RHEB: variants seen among roughly 807,000 people sequenced by gnomAD.
RHEB encodes Ras homolog, mTORC1 binding.
Under a neutral mutation model 28.8 loss-of-function variants are expected in RHEB, and 2 were observed. The ratio of observed to expected loss-of-function variants is 0.07; its 90% CI spans 0.03 to 0.22. The LOEUF (loss-of-function observed/expected upper bound fraction) is 0.22, where lower values mean the gene tolerates loss of function less well. Ranked by LOEUF, RHEB falls within the 10% of genes least tolerant of loss-of-function variation. The pLI, the probability that RHEB is intolerant of heterozygous loss-of-function variation, is 1.00. For synonymous variants in RHEB, 69 were observed against 77.3 expected (o/e 0.89, Z 0.56); for missense variants, 76 against 219.9 (o/e 0.35, Z 4.14).
intron 2 of RHEB, among the ~76,000 whole-genome samples, chr7:151,486,209 G>T (rs1258205031): frequency 6.6e-6 from 1 of 152,194 alleles, no homozygotes; most frequent in Non-Finnish European, 1.5e-5. Context: ...AAGTATGTAA[G>T]AAACACTGGT....
chr7:151,467,822 CCA>C (rs1324662306), intron 7 of RHEB, among the ~76,000 whole-genome samples: 2 of 152,204 alleles, frequency 1.3e-5, no homozygotes, highest in Non-Finnish European at 2.9e-5. Flanking sequence ...CAGTCCTTCA[CCA>C]CAGACAGGAA....
At chr7:151,489,338 T>A (rs1178768803) in intron 2 of RHEB, among the ~76,000 whole-genome samples, 1 of 152,204 alleles carries the variant, frequency 6.6e-6, no homozygotes, top group Non-Finnish European at 1.5e-5. Flanking sequence ...GCACTCACAT[T>A]AATCTGCTCC....
At chr7:151,475,176 C>A (rs891939451) in intron 4 of RHEB, among the ~76,000 whole-genome samples, 1 of 152,118 alleles carries the variant, frequency 6.6e-6, no homozygotes, top group Non-Finnish European at 1.5e-5. Flanking sequence ...TATTTTTAAT[C>A]CAGCTCAATG....
At chr7:151,510,487 G>A (rs1802962528) in intron 1 of RHEB, among the ~76,000 whole-genome samples, 1 of 152,182 alleles carries the variant, frequency 6.6e-6, no homozygotes, top group Non-Finnish European at 1.5e-5. Context: ...CATTAAGATT[G>A]TACCCCATAA....
intron 1 of RHEB, among the ~76,000 whole-genome samples, chr7:151,494,625 G>A (rs76674764): frequency 0.034 from 5,177 of 152,250 alleles, 264 homozygotes; most frequent in African/African-American, 0.12. Flanking sequence ...AGTAAACTGG[G>A]ATACCAGAAT....
chr7:151,516,993 C>G (rs1229473085), intron 1 of RHEB, among the ~76,000 whole-genome samples: 1 of 152,176 alleles, frequency 6.6e-6, no homozygotes, highest in Non-Finnish European at 1.5e-5. Context: ...TAGAAGAAAC[C>G]TGCTGGCAAA....
intron 1 of RHEB, among the ~76,000 whole-genome samples, chr7:151,504,890 C>CA (rs1473436778): frequency 3.3e-5 from 5 of 151,792 alleles, no homozygotes; most frequent in African/African-American, 1.2e-4. Context: ...GAAATTTTCT[C>CA]AAAGTTTTAA....
chr7:151,516,313 G>GA (rs1173544304), intron 1 of RHEB, among the ~76,000 whole-genome samples: 2 of 151,828 alleles, frequency 1.3e-5, no homozygotes, highest in African/African-American at 4.8e-5. Context: ...CAAAAAAAAA[G>GA]AAAAAAAGAA....
chr7:151,494,966 C>G (rs927044171), intron 1 of RHEB, among the ~76,000 whole-genome samples: 3 of 152,174 alleles, frequency 2.0e-5, no homozygotes, highest in Non-Finnish European at 2.9e-5. Flanking sequence ...GTTCTCAGTT[C>G]CAGTTGTAAT....
At chr7:151,489,399 T>C (rs767509434) in intron 2 of RHEB, among the ~76,000 whole-genome samples, 4 of 152,244 alleles carry the variant, frequency 2.6e-5, no homozygotes, top group Admixed American at 1.3e-4. Context: ...TCATAGGATG[T>C]AATCAGGACT....
chr7:151,519,176 C>G (rs1803135952), intron 1 of RHEB: 1 of 160,994 alleles, frequency 6.2e-6, no homozygotes, highest in South Asian at 2.0e-4. Context: ...CCGGACTCCT[C>G]GGCGGCCGAC....
At chr7:151,469,592 A>G (rs1253298467) in intron 7 of RHEB, among the ~76,000 whole-genome samples, 2 of 152,226 alleles carry the variant, frequency 1.3e-5, no homozygotes, top group Admixed American at 1.3e-4. Flanking sequence ...TTACCTGAGG[A>G]TCAAACACCA....
Position 151,504,947 on chromosome 7 carries a change from T to C in RHEB, c.53-13933A>G, listed in dbSNP as rs527519789. On this transcript the variant is annotated intron_variant, in intron 1 of 7. Coordinates refer to ENST00000262187, the MANE Select transcript of RHEB (RefSeq NM_005614.4). ...TACAGGTGTGGGACCTCAAGTTTTT[T>C]AAAAAATCTTCACCCTTACCTCATA... Among the ~76,000 whole-genome samples, 11 of 151,796 alleles carry C rather than the reference T, an allele frequency of 7.2e-5. No individual in the cohort carries two copies. The East Asian group carries it at 1.2e-3, about 16-fold the overall frequency.
At chr7:151,510,227 A>T (rs1017278198) in intron 1 of RHEB, among the ~76,000 whole-genome samples, 4 of 152,138 alleles carry the variant, frequency 2.6e-5, no homozygotes, top group Non-Finnish European at 5.9e-5. Context: ...CTTGATGATC[A>T]AGTTAGCCCT....
intron 7 of RHEB, among the ~76,000 whole-genome samples, chr7:151,469,845 G>A (rs540663381): frequency 1.3e-5 from 2 of 152,140 alleles, no homozygotes; most frequent in Admixed American, 6.5e-5. Context: ...CCAGGCGAAG[G>A]GTTCTATAGA....
At chr7:151,475,682 C>A (rs1802258598) in intron 4 of RHEB, among the ~76,000 whole-genome samples, 1 of 152,018 alleles carries the variant, frequency 6.6e-6, no homozygotes, top group Non-Finnish European at 1.5e-5. Context: ...TGGTTTTAAG[C>A]ATAAAATCCA....
intron 1 of RHEB, chr7:151,503,229 CAA>C (rs1802805049): frequency 2.6e-6 from 2 of 783,628 alleles, no homozygotes; most frequent in South Asian, 2.7e-5. Context: ...ATTTCACAGA[CAA>C]AGAGACCGGA....
Position 151,512,698 on chromosome 7 carries a change from A to T in RHEB, c.52+6762T>A, listed in dbSNP as rs183919864. 1.5e-3 allele frequency among the ~76,000 whole-genome samples: 221 copies of T among 152,366 alleles called. 1 individual carries two copies. Among genetic ancestry groups the T allele is most frequent in the African/African-American group, 5.0e-3 (207 of 41,582 alleles). On this transcript the variant is annotated intron_variant, in intron 1 of 7. Coordinates refer to ENST00000262187, the MANE Select transcript of RHEB (RefSeq NM_005614.4). ...CTGTGGGAACCATATCGCTGTGAAC[A>T]GCATTTAGGATGCAGTCACTGTCAA...
At chr7:151,518,795 G>A (rs1009188099) in intron 1 of RHEB, among the ~76,000 whole-genome samples, 2 of 152,178 alleles carry the variant, frequency 1.3e-5, no homozygotes, top group African/African-American at 4.8e-5. Flanking sequence ...GGCACCGAGA[G>A]ATCAGACATT....
Sources: allele counts gnomAD v4.1 joint callset (sites outside exome capture counted in the v4.1 genomes callset), GRCh38; gene constraint gnomAD v4.1.1; transcripts MANE v1.5; gene names NCBI Gene and HGNC (gene_info 2026-07-23, HGNC 2026-07-21).